NTNG1: variants seen among roughly 807,000 people sequenced by gnomAD.
NTNG1 encodes the protein netrin-G1.
In NTNG1, 16 loss-of-function variants were observed where a neutral mutation model predicts 54.0. That is an observed-to-expected ratio of 0.30 (90% CI 0.20 to 0.45). NTNG1 has a LOEUF of 0.45. NTNG1 is among the 20% of genes least tolerant of loss of function. The pLI is 1.00. For missense variants in NTNG1, 530 were observed against 678.7 expected (o/e 0.78, Z 2.43); for synonymous variants, 255 against 263.1 (o/e 0.97, Z 0.30).
At chr1:107,442,788 T>C (rs1676047498) in intron 7 of NTNG1, among the ~76,000 whole-genome samples, 1 of 152,156 alleles carries the variant, frequency 6.6e-6, no homozygotes, top group Non-Finnish European at 1.5e-5. Flanking sequence ...GTCCCTTCTT[T>C]GATGAAAGTT....
intron 1 of NTNG1, among the ~76,000 whole-genome samples, chr1:107,142,320 T>C (rs1330317905): frequency 6.6e-6 from 1 of 151,608 alleles, no homozygotes; most frequent in Non-Finnish European, 1.5e-5. Context: ...TTTTTTTTTT[T>C]CCTTCAGAAA....
intron 3 of NTNG1, among the ~76,000 whole-genome samples, chr1:107,385,054 T>C (rs925399585): frequency 1.3e-5 from 2 of 152,208 alleles, no homozygotes; most frequent in African/African-American, 4.8e-5. Context: ...CACTTGACAT[T>C]TCATGATCTA....
At chr1:107,417,205 A>C (rs1051699980) in intron 5 of NTNG1, among the ~76,000 whole-genome samples, 1 of 152,078 alleles carries the variant, frequency 6.6e-6, no homozygotes, top group African/African-American at 2.4e-5. Flanking sequence ...AGATGTGGAA[A>C]ATTATTACAT....
At chr1:107,453,984 C>A (rs558990817) in intron 7 of NTNG1, among the ~76,000 whole-genome samples, 2 of 152,204 alleles carry the variant, frequency 1.3e-5, no homozygotes, top group Admixed American at 1.3e-4. Flanking sequence ...CACACCAACT[C>A]ACTGTGATAG....
At chr1:107,313,544 A>T (rs1054197112) in intron 2 of NTNG1, among the ~76,000 whole-genome samples, 2 of 152,188 alleles carry the variant, frequency 1.3e-5, no homozygotes. Flanking sequence ...AATGGGAATT[A>T]ACTCAATAAA....
intron 3 of NTNG1, among the ~76,000 whole-genome samples, chr1:107,364,321 A>C (rs975380994): frequency 6.6e-6 from 1 of 152,230 alleles, no homozygotes; most frequent in Non-Finnish European, 1.5e-5. Flanking sequence ...AATGAGGTAC[A>C]GCACAATATT....
intron 6 of NTNG1, among the ~76,000 whole-genome samples, chr1:107,433,199 A>G (rs1213384378): frequency 6.6e-6 from 1 of 152,180 alleles, no homozygotes; most frequent in Non-Finnish European, 1.5e-5. Flanking sequence ...CTTGAAACCA[A>G]GCGAAGTACT....
At chr1:107,285,761 G>A (rs914417994) in intron 2 of NTNG1, among the ~76,000 whole-genome samples, 1 of 152,088 alleles carries the variant, frequency 6.6e-6, no homozygotes, top group African/African-American at 2.4e-5. Flanking sequence ...TCTGACTTTT[G>A]CATGGAATCC....
chr1:107,402,333 C>T (rs6583026), intron 4 of NTNG1, among the ~76,000 whole-genome samples: 66,825 of 151,928 alleles, frequency 0.44, 15,576 homozygotes, highest in Non-Finnish European at 0.52. Context: ...GCCAACAGGA[C>T]ACTGAAGGTC....
chr1:107,350,456 C>A (rs1169390268), intron 3 of NTNG1, among the ~76,000 whole-genome samples: 4 of 152,004 alleles, frequency 2.6e-5, no homozygotes, highest in African/African-American at 9.7e-5. Context: ...AATCTTTATT[C>A]AACTACCATA....
At chr1:107,219,554 A>G (rs1053424347) in intron 2 of NTNG1, among the ~76,000 whole-genome samples, 1 of 152,140 alleles carries the variant, frequency 6.6e-6, no homozygotes, top group East Asian at 1.9e-4. Flanking sequence ...CAAAGGGAAG[A>G]TATAGGACTT....
At chr1:107,439,209 G>A (rs1398523311) in intron 7 of NTNG1, among the ~76,000 whole-genome samples, 1 of 152,090 alleles carries the variant, frequency 6.6e-6, no homozygotes, top group Non-Finnish European at 1.5e-5. Flanking sequence ...TAAAGGATCA[G>A]TGGAGCTTTC....
chr1:107,409,842 T>A (rs1570899757), intron 5 of NTNG1: 1 of 152,088 alleles, frequency 6.6e-6, no homozygotes, highest in Non-Finnish European at 1.5e-5. Flanking sequence ...AGTAAAACCA[T>A]CAAACGTGAT....
chr1:107,202,431 A>G (rs1451154513), intron 2 of NTNG1, among the ~76,000 whole-genome samples: 1 of 152,016 alleles, frequency 6.6e-6, no homozygotes, highest in Non-Finnish European at 1.5e-5. Flanking sequence ...TAGCTATGTG[A>G]TAGCACTGTG....
intron 2 of NTNG1, among the ~76,000 whole-genome samples, chr1:107,268,048 T>C (rs926690217): frequency 6.6e-6 from 1 of 152,218 alleles, no homozygotes; most frequent in Non-Finnish European, 1.5e-5. Flanking sequence ...TTACTGCAGA[T>C]ATTCTTCTCC....
chr1:107,369,277 C>A (rs1026617701), intron 3 of NTNG1, among the ~76,000 whole-genome samples: 1 of 152,036 alleles, frequency 6.6e-6, no homozygotes, highest in South Asian at 2.1e-4. Flanking sequence ...GTAGAATGGC[C>A]GAATCATATG....
chr1:107,201,126 T>G (rs974624878), intron 2 of NTNG1, among the ~76,000 whole-genome samples: 3 of 151,856 alleles, frequency 2.0e-5, no homozygotes. Context: ...GTACCTTTAT[T>G]TTTTTAACAT....
At chr1:107,460,351 G>A (rs1410911321) in intron 7 of NTNG1, 11 of 518,080 alleles carry the variant, frequency 2.1e-5, no homozygotes, top group Non-Finnish European at 3.9e-5. Context: ...AAAGAGGTGA[G>A]CTCATTTCTC....
At chr1:107,349,835 C>T (rs1338281328) in intron 3 of NTNG1, among the ~76,000 whole-genome samples, 3 of 151,968 alleles carry the variant, frequency 2.0e-5, no homozygotes, top group Admixed American at 6.6e-5. Flanking sequence ...ATACTCCTGT[C>T]GATGGATATT....
Sources: gnomAD v4.1 joint callset for allele counts (sites outside exome capture counted in the v4.1 genomes callset) on GRCh38, gnomAD v4.1.1 for gene constraint, MANE v1.5 for transcripts, NCBI Gene and HGNC (gene_info 2026-07-23, HGNC 2026-07-21) for gene names.